Variants in PCDHA6 observed in about 807,000 individuals in gnomAD.
The protein encoded by PCDHA6 is protocadherin alpha 6.
Under a neutral mutation model 60.3 loss-of-function variants are expected in PCDHA6, and 55 were observed. The ratio of observed to expected loss-of-function variants is 0.91; its 90% CI spans 0.73 to 1.14. PCDHA6 has a LOEUF of 1.14. Ranked by LOEUF, PCDHA6 falls within the 50% of genes most tolerant of loss-of-function variation. PCDHA6 has a pLI of 0.00. For missense variants in PCDHA6, 1,327 were observed against 1,256.5 expected, an observed-to-expected ratio of 1.06 and a Z score of -0.85; for synonymous variants, 652 against 557.9, an observed-to-expected ratio of 1.17 and a Z score of -2.38.
intron 1 of PCDHA6, chr5:140,834,288 A>G: frequency 3.4e-6 from 4 of 1,183,556 alleles, no homozygotes; most frequent in Non-Finnish European, 3.6e-6. Flanking sequence ...ATGCACAACA[A>G]TGGCCACACA....
At chr5:140,842,217 C>T (rs145025203) in intron 1 of PCDHA6, 1 of 1,613,264 alleles carries the variant, frequency 6.2e-7, no homozygotes, top group South Asian at 1.1e-5. Context: ...GATCGAAATA[C>T]GGGAGAAATA....
intron 1 of PCDHA6, chr5:140,835,697 T>G (rs2150242231): frequency 1.6e-5 from 26 of 1,613,776 alleles, no homozygotes; most frequent in African/African-American, 6.7e-5. Flanking sequence ...TGTGGGCCAC[T>G]GCTAGCGTGT....
intron 1 of PCDHA6, chr5:140,876,186 T>A: frequency 1.2e-6 from 2 of 1,613,960 alleles, no homozygotes; most frequent in Middle Eastern, 1.6e-4. Context: ...TGAATGACAA[T>A]GGTCCGGCGT....
At chr5:140,996,933 T>G (rs2097753695) in intron 3 of PCDHA6, among the ~76,000 whole-genome samples, 1 of 152,186 alleles carries the variant, frequency 6.6e-6, no homozygotes, top group African/African-American at 2.4e-5. Flanking sequence ...ATATAGCATT[T>G]TTGCATAGAA....
rs1246166621 is a variant in PCDHA6 at position 140,856,524 on chromosome 5, C to A, written c.2394+26039C>A. On this transcript the variant is annotated intron_variant, in intron 1 of 3. Coordinates refer to ENST00000529310, the MANE Select transcript of PCDHA6 (RefSeq NM_018909.4). ...TTTCCACTAGAAGGCGCATCTGATG[C>A]GGATGTTGGAGAGAACGCATTGCTT... The A allele has an allele frequency of 7.5e-6, 12 of 1,598,178 alleles. 1 individual carries two copies. The Middle Eastern group carries it at 1.2e-3, about 155-fold the overall frequency.
chr5:140,865,412 A>C (rs1347341740), intron 1 of PCDHA6: 2 of 152,242 alleles, frequency 1.3e-5, no homozygotes, highest in Non-Finnish European at 2.9e-5. Context: ...AAAAGGAATT[A>C]GTAGTGTCTA....
chr5:140,836,489 C>T (rs1554135994), intron 1 of PCDHA6: 1 of 1,613,890 alleles, frequency 6.2e-7, no homozygotes, highest in Admixed American at 1.7e-5. Context: ...ACCTGATCAT[C>T]GCCATCTGCG....
Position 140,907,311 on chromosome 5 carries a change from T to C in PCDHA6, c.2395-71638T>C, listed in dbSNP as rs534638330. Among the ~76,000 whole-genome samples the C allele has an allele frequency of 5.9e-5, 9 of 152,292 alleles. No individual in the cohort carries two copies. The East Asian group carries it at 1.7e-3, about 29-fold the overall frequency. On this transcript the variant is annotated intron_variant, in intron 1 of 3. Coordinates refer to ENST00000529310, the MANE Select transcript of PCDHA6 (RefSeq NM_018909.4). Reference sequence around the variant, plus strand: ...AGCTGCTTCAGGATGATGGGGAACATGTAAAGACCAGTGAATTCCATATGC... The same window carrying C: ...AGCTGCTTCAGGATGATGGGGAACACGTAAAGACCAGTGAATTCCATATGC...
At chr5:140,862,657 C>A (rs2047475881) in intron 1 of PCDHA6, 6 of 545,246 alleles carry the variant, frequency 1.1e-5, no homozygotes, top group Admixed American at 9.6e-5. Flanking sequence ...CGCGCGGGAC[C>A]GGGACGCGCA....
intron 1 of PCDHA6, among the ~76,000 whole-genome samples, chr5:140,920,771 G>A (rs1256445366): frequency 6.6e-6 from 1 of 151,698 alleles, no homozygotes; most frequent in African/African-American, 2.4e-5. Context: ...TTACACCTGG[G>A]AGGTGGAGGT....
intron 1 of PCDHA6, chr5:140,852,727 G>C: frequency 1.0e-6 from 1 of 983,528 alleles, no homozygotes; most frequent in South Asian, 4.8e-5. Flanking sequence ...CGTTTTTCAA[G>C]TTTCATGTGC....
At chr5:140,846,834 G>C (rs1780700950) in intron 1 of PCDHA6, among the ~76,000 whole-genome samples, 1 of 149,596 alleles carries the variant, frequency 6.7e-6, no homozygotes, top group Non-Finnish European at 1.5e-5. Flanking sequence ...AAGAATATGA[G>C]TCACACAATG....
At chr5:140,873,476 G>A (rs2054312814) in intron 1 of PCDHA6, among the ~76,000 whole-genome samples, 1 of 151,958 alleles carries the variant, frequency 6.6e-6, no homozygotes, top group African/African-American at 2.4e-5. Flanking sequence ...CAAATTACTT[G>A]GACTGATTTC....
Position 140,828,395 on chromosome 5 carries a change from T to G in PCDHA6, c.304T>G (p.Cys102Gly), listed in dbSNP as rs2150154889. Residue 102 changes from cysteine (C) to glycine (G), a missense_variant, in exon 1 of 4, where the codon TGC becomes GGC. Transcript: ENST00000529310. ...GGAGCTGTGCGGGCGGAGCGCGGAG[T>G]GCAGCATCCACCTGGAGGTGATCGT... is the stretch of plus-strand genomic sequence containing the variant. ...REELCGRSAE[C>G]SIHLEVIVDR... 1.9e-6 allele frequency: 3 copies of G among 1,614,172 alleles called. No homozygotes were observed. The highest frequency in any genetic ancestry group is 2.2e-5 in the South Asian group (2 of 91,084).
At chr5:140,875,685 C>G (rs563250653) in intron 1 of PCDHA6, 1 of 1,613,816 alleles carries the variant, frequency 6.2e-7, no homozygotes. Context: ...CCAAAAGACA[C>G]GGGGACCTTC....
intron 1 of PCDHA6, chr5:140,857,589 G>T (rs1554150286): frequency 6.3e-7 from 1 of 1,596,564 alleles, no homozygotes; most frequent in Non-Finnish European, 8.6e-7. Flanking sequence ...GCGGAGAGCG[G>T]CAAGGTGTAC....
chr5:140,853,149 G>C, intron 1 of PCDHA6: 1 of 844,586 alleles, frequency 1.2e-6, no homozygotes, highest in Non-Finnish European at 1.5e-6. Flanking sequence ...AAAATGCTGG[G>C]ATTACAGGCG....
At chr5:140,982,234 A>C (rs1039012011) in intron 2 of PCDHA6, 1 of 643,856 alleles carries the variant, frequency 1.6e-6, no homozygotes. Flanking sequence ...AAAAAACAGA[A>C]TTGCCATAAA....
At chr5:140,896,226 T>C (rs1554186874) in intron 1 of PCDHA6, among the ~76,000 whole-genome samples, 1 of 152,242 alleles carries the variant, frequency 6.6e-6, no homozygotes, top group Non-Finnish European at 1.5e-5. Flanking sequence ...GTCTTTATAG[T>C]AGAATGACTT....
Sources: gnomAD v4.1 joint callset for allele counts (sites outside exome capture counted in the v4.1 genomes callset) on GRCh38, gnomAD v4.1.1 for gene constraint, MANE v1.5 for transcripts, NCBI Gene and HGNC (gene_info 2026-07-23, HGNC 2026-07-21) for gene names.